Variants in PRPF4 observed in about 807,000 individuals in gnomAD.
PRPF4 encodes U4/U6 small nuclear ribonucleoprotein Prp4.
Under a neutral mutation model 72.2 loss-of-function variants are expected in PRPF4, and 14 were observed. The observed-to-expected ratio is 0.19, with a 90% CI of 0.13 to 0.30. The LOEUF (loss-of-function observed/expected upper bound fraction) is 0.30. Ranked by LOEUF, PRPF4 falls within the 10% of genes least tolerant of loss-of-function variation. The pLI, the probability that PRPF4 is intolerant of heterozygous loss-of-function variation, is 1.00. For synonymous variants in PRPF4, 225 were observed against 232.2 expected (o/e 0.97, Z 0.28); for missense variants, 478 against 653.9 (o/e 0.73, Z 2.93).
chr9:113,277,101 CTG>C (rs1169382077), intron 2 of PRPF4, among the ~76,000 whole-genome samples: 3 of 152,200 alleles, frequency 2.0e-5, no homozygotes, highest in African/African-American at 7.2e-5. Context: ...GTGTGAGCCA[CTG>C]TGCCCGGCAG....
intron 7 of PRPF4, among the ~76,000 whole-genome samples, chr9:113,285,715 G>A (rs534523901): frequency 2.8e-4 from 43 of 151,850 alleles, no homozygotes; most frequent in Admixed American, 1.6e-3. Context: ...TTTTTAAAAC[G>A]TTAGCCAGGT....
rs1178981858 is a variant in PRPF4, at chr9:113,286,305, T to C, written c.808+15T>C. 6.3e-7 allele frequency: 1 copy of C among 1,598,850 alleles called. No homozygotes were observed. The highest frequency in any genetic ancestry group is 2.2e-5 in the East Asian group (1 of 44,816). The stretch of plus-strand genomic sequence containing the variant: ...CACTCTTCGAGGTAAGTTAGAGTCT[T>C]ATCCAAATCTCGGTCTTTTTCCCAG... On this transcript the variant is annotated intron_variant, in intron 8 of 13. Coordinates refer to ENST00000374198, the MANE Select transcript of PRPF4 (RefSeq NM_001244926.2).
In PRPF4 at chr9:113,292,817, C is replaced by T. The variant is rs1029685318; in HGVS notation, c.*1157C>T. ...GGGTGTTCCTAAACCTAAACCTTTTCTTTATTCCACATTTGCTACGGTAAA... is the reference window on the plus strand; with the variant it reads ...GGGTGTTCCTAAACCTAAACCTTTTTTTTATTCCACATTTGCTACGGTAAA... On this transcript the variant is annotated 3_prime_UTR_variant, in exon 14 of 14. Coordinates refer to ENST00000374198, the MANE Select transcript of PRPF4 (RefSeq NM_001244926.2). The T allele has an allele frequency of 1.3e-5, 2 of 152,176 alleles. No individual in the cohort carries two copies. The highest frequency in any genetic ancestry group is 2.9e-5 in the Non-Finnish European group (2 of 68,034). The allele number at this position is 152,176 out of a possible 1,614,324, so 9.4% of individuals were successfully genotyped here.
At chr9:113,286,154 T>C in intron 7 of PRPF4, 78 bp from the exon 8 acceptor site, 1 of 1,470,692 alleles carries the variant, frequency 6.8e-7, no homozygotes, top group Non-Finnish European at 9.5e-7. Flanking sequence ...GAAGAGATTG[T>C]CCTTTAGTAA....
At chr9:113,284,419 C>T (rs759359912) in intron 7 of PRPF4, 30 bp downstream of exon 7, 12 of 1,546,234 alleles carry the variant, frequency 7.8e-6, no homozygotes, top group South Asian at 2.2e-5. Flanking sequence ...GACATTTTTT[C>T]CTAAATGGGG....
intron 2 of PRPF4, among the ~76,000 whole-genome samples, chr9:113,278,009 A>G (rs902926276): frequency 1.3e-5 from 2 of 152,228 alleles, no homozygotes; most frequent in African/African-American, 4.8e-5. Flanking sequence ...CTTTTAAAAG[A>G]TCAATGTATA....
chr9:113,291,533 G>A lies in PRPF4; in HGVS notation c.1439G>A (p.Gly480Asp). ...ACAGCCAAGATCTGGACGCACCCAG[G>A]CTGGTCCCCGCTGAAGACTCTGGCT... is the stretch of plus-strand genomic sequence containing the variant. ...DNTAKIWTHP[G>D]WSPLKTLAGH... Residue 480 changes from glycine (G) to aspartate (D), a missense_variant, in exon 14 of 14, where the codon GGC becomes GAC. By Grantham distance (94) the Gly-to-Asp change is moderately conservative. Coordinates refer to ENST00000374198, the MANE Select transcript of PRPF4 (RefSeq NM_001244926.2). The A allele has an allele frequency of 6.2e-7, 1 of 1,614,132 alleles. No homozygotes were observed.
intron 1 of PRPF4, 130 bp from the exon 2 acceptor site, chr9:113,276,418 G>C: frequency 1.0e-6 from 1 of 964,746 alleles, no homozygotes; most frequent in African/African-American, 1.6e-5. Flanking sequence ...GTCTTAAGTA[G>C]TGTCCAATTT....
At chr9:113,280,102 T>G (rs564965463) in intron 3 of PRPF4, among the ~76,000 whole-genome samples, 14 of 152,274 alleles carry the variant, frequency 9.2e-5, no homozygotes, top group African/African-American at 3.4e-4. Context: ...AAATTGCTCT[T>G]TGTTAAGATC....
chr9:113,285,601 A>G (rs1194736381), intron 7 of PRPF4, among the ~76,000 whole-genome samples: 1 of 151,280 alleles, frequency 6.6e-6, no homozygotes, highest in African/African-American at 2.4e-5. Context: ...GATGGGCTCG[A>G]TCTCCTGACC....
chr9:113,279,715 G>T (rs536257904), intron 3 of PRPF4, among the ~76,000 whole-genome samples: 1 of 152,066 alleles, frequency 6.6e-6, no homozygotes, highest in East Asian at 1.9e-4. Flanking sequence ...CTTGGAAGAG[G>T]GTGCTAACAT....
At chr9:113,283,315 G>T in intron 5 of PRPF4, 74 bp from the exon 6 acceptor site, 4 of 1,611,934 alleles carry the variant, frequency 2.5e-6, no homozygotes, top group Non-Finnish European at 3.4e-6. Flanking sequence ...TGAAATTGAG[G>T]GGTAGAGTAG....
intron 1 of PRPF4, 66 bp downstream of exon 1, chr9:113,275,836 G>T: frequency 6.3e-7 from 1 of 1,593,454 alleles, no homozygotes. Context: ...ATCTCTGCGG[G>T]AAGGGGCCGT....
rs183649449 is a variant in PRPF4, at chr9:113,291,696, C to T, written c.*36C>T. The T allele has an allele frequency of 3.1e-4, 499 of 1,588,222 alleles. 4 individuals carry two copies. In the African/African-American group the frequency reaches 5.8e-3, roughly 18 times the overall value. On this transcript the variant is annotated 3_prime_UTR_variant, in exon 14 of 14. Coordinates refer to ENST00000374198, the MANE Select transcript of PRPF4 (RefSeq NM_001244926.2). ...GAAAAGGACTTGAACCTCAAGCTCT[C>T]TCTAAGGAGCTGTTTTCCTCAAACG...
rs373783471 is a variant in PRPF4, at chr9:113,288,219, C to T, written c.977C>T (p.Ala326Val). 5.1e-5 allele frequency: 83 copies of T among 1,614,222 alleles called. No individual in the cohort carries two copies. The highest frequency in any genetic ancestry group is 3.3e-4 in the African/African-American group (25 of 75,048). ...ADIEGHTVRV[A>V]RVMWHPSGRF... The stretch of plus-strand genomic sequence containing the variant: ...ATTGAAGGCCATACAGTGCGTGTGG[C>T]GCGGGTAATGTGGCATCCTTCAGGA... The change falls in exon 10 of 14, where the codon GCG becomes GTG. Residue 326 changes from alanine (A) to valine (V), a missense_variant. Physicochemically the swap from Ala to Val is moderately conservative, Grantham distance 64. Transcript: ENST00000374198.
rs747548672 is a variant in PRPF4 at position 113,291,473 on chromosome 9, A to T, written c.1379A>T (p.His460Leu). Residue 460 changes from histidine to leucine, a missense_variant, in exon 14 of 14, where the codon CAT (histidine) becomes CTT (leucine). Coordinates refer to ENST00000374198, the MANE Select transcript of PRPF4 (RefSeq NM_001244926.2). Reference protein sequence around the residue: ...LVTGVKFEPIHGNFLLTGAYD... With the variant: ...LVTGVKFEPILGNFLLTGAYD... ...CCCTTCTCTTCTCCTGTAGCTATCCATGGGAACTTCTTGCTTACTGGTGCC... is the reference window on the plus strand; with the variant it reads ...CCCTTCTCTTCTCCTGTAGCTATCCTTGGGAACTTCTTGCTTACTGGTGCC... 6.8e-6 allele frequency: 11 copies of T among 1,612,662 alleles called. No individual in the cohort carries two copies. Among genetic ancestry groups the T allele is most frequent in the Non-Finnish European group, 8.5e-6 (10 of 1,178,738 alleles).
In PRPF4 at chr9:113,291,788, A is replaced by T; in HGVS notation, c.*128A>T. 1 of 961,384 alleles carries T rather than the reference A, an allele frequency of 1.0e-6. No individual in the cohort carries two copies. Among genetic ancestry groups the T allele is most frequent in the Non-Finnish European group, 1.5e-6 (1 of 669,876 alleles). 59.6% of individuals were successfully genotyped at this position (961,384 alleles called of 1,614,324 possible). A position where few individuals can be genotyped will look rare whatever the true frequency, so the allele number is the denominator to read the frequency against. ...TTACCATGCATAGACCCTCAGTAGA[A>T]TTGGATTTCCATGTCAGCCCCCACT... is the stretch of plus-strand genomic sequence containing the variant. On this transcript the variant is annotated 3_prime_UTR_variant, in exon 14 of 14. Transcript: ENST00000374198.
chr9:113,290,322 C>T (rs1832571826), intron 10 of PRPF4, 144 bp from the exon 11 acceptor site: 2 of 1,183,130 alleles, frequency 1.7e-6, no homozygotes, highest in Admixed American at 2.2e-5. Context: ...TTGTTTATGT[C>T]AGAAAGGAGC....
At chr9:113,279,178 GT>G in intron 3 of PRPF4, 47 bp downstream of exon 3, 3 of 1,519,528 alleles carry the variant, frequency 2.0e-6, no homozygotes, top group Non-Finnish European at 1.8e-6. Context: ...TAATCACAGG[GT>G]TCTACTCCAA....
Sources: allele counts gnomAD v4.1 joint callset (sites outside exome capture counted in the v4.1 genomes callset), GRCh38; gene constraint gnomAD v4.1.1; transcripts MANE v1.5; gene names NCBI Gene and HGNC (gene_info 2026-07-23, HGNC 2026-07-21).